DLG2: variants seen among roughly 807,000 people sequenced by gnomAD.
DLG2 encodes discs large MAGUK scaffold protein 2.
In DLG2, 45 loss-of-function variants were observed where a neutral mutation model predicts 132.5. The ratio of observed to expected loss-of-function variants is 0.34; its 90% CI spans 0.27 to 0.44. The LOEUF (loss-of-function observed/expected upper bound fraction) is 0.44, where lower values mean the gene tolerates loss of function less well. DLG2 is among the 20% of genes least tolerant of loss of function. DLG2 has a pLI of 1.00. For synonymous variants in DLG2, 424 were observed against 419.6 expected (o/e 1.01, Z -0.13); for missense variants, 1,045 against 1,196.9 (o/e 0.87, Z 1.87).
At position 84,608,147 on chromosome 11, in the gene DLG2, C is replaced by T. The variant is rs372358011; in HGVS notation, c.358-73416G>A. ...TTGACTTTAAAGGCAGCACCAGGAT[C>T]CAATTCCTCTCATACACAGAGCACC... is the stretch of plus-strand genomic sequence containing the variant. On this transcript the variant is annotated intron_variant, in intron 6 of 27. Transcript: ENST00000376104. Among the ~76,000 whole-genome samples, 31 of 152,264 alleles carry T rather than the reference C, an allele frequency of 2.0e-4. No individual in the cohort carries two copies. In the South Asian group the frequency reaches 3.5e-3, roughly 17 times the overall value.
intron 27 of DLG2, 55 bp from the exon 28 acceptor site, chr11:83,459,979 A>G (rs373166184): frequency 2.0e-6 from 2 of 1,011,170 alleles, no homozygotes; most frequent in East Asian, 2.4e-5. Flanking sequence ...GATGGTGAAG[A>G]ACAATCATCA....
intron 6 of DLG2, among the ~76,000 whole-genome samples, chr11:84,538,971 A>T (rs1290230024): frequency 6.6e-6 from 1 of 152,162 alleles, no homozygotes; most frequent in Non-Finnish European, 1.5e-5. Flanking sequence ...GCTTGTATTC[A>T]AATCTTTATT....
chr11:84,114,260 G>A (rs770457510), intron 9 of DLG2, among the ~76,000 whole-genome samples: 1 of 152,056 alleles, frequency 6.6e-6, no homozygotes, highest in Non-Finnish European at 1.5e-5. Flanking sequence ...AAAGGATCCT[G>A]AGACCAAAAT....
At chr11:83,779,082 T>A (rs1443115993) in intron 18 of DLG2, among the ~76,000 whole-genome samples, 1 of 152,154 alleles carries the variant, frequency 6.6e-6, no homozygotes, top group African/African-American at 2.4e-5. Flanking sequence ...AATATTTCAG[T>A]ACAAATTAGA....
At chr11:84,469,407 T>C (rs1412143529) in intron 7 of DLG2, among the ~76,000 whole-genome samples, 1 of 151,660 alleles carries the variant, frequency 6.6e-6, no homozygotes, top group Non-Finnish European at 1.5e-5. Flanking sequence ...CTTATTTGTA[T>C]GGCCTTGGAA....
chr11:83,815,088 T>C (rs1477157929), intron 17 of DLG2: 1 of 152,870 alleles, frequency 6.5e-6, no homozygotes, highest in Non-Finnish European at 1.5e-5. Context: ...TTAGACATCA[T>C]TAATTTAACG....
At chr11:85,264,667 C>T (rs185570071) in intron 4 of DLG2, among the ~76,000 whole-genome samples, 2 of 152,258 alleles carry the variant, frequency 1.3e-5, no homozygotes, top group East Asian at 1.9e-4. Flanking sequence ...GATAACAGCA[C>T]CGTATCCACA....
intron 18 of DLG2, chr11:83,647,089 A>G (rs2068431619): frequency 1.3e-5 from 2 of 152,134 alleles, no homozygotes; most frequent in African/African-American, 2.4e-5. Context: ...CTCTCTGTGC[A>G]GGCAGGTATT....
At chr11:84,842,587 T>C (rs1228811993) in intron 6 of DLG2, among the ~76,000 whole-genome samples, 2 of 151,990 alleles carry the variant, frequency 1.3e-5, no homozygotes, top group East Asian at 1.9e-4. Flanking sequence ...AAATGCCCCG[T>C]CCAGAGCACT....
chr11:84,615,331 C>A (rs1045429212), intron 6 of DLG2, among the ~76,000 whole-genome samples: 1 of 151,980 alleles, frequency 6.6e-6, no homozygotes, highest in African/African-American at 2.4e-5. Flanking sequence ...TAAATACAGA[C>A]ATGGACGCAA....
rs866153287 is a variant in DLG2, at chr11:83,577,541, G to A, written c.1941-35683C>T. On this transcript the variant is annotated intron_variant, in intron 19 of 27. Transcript: ENST00000376104. ...TATATGTATTAGTCAGGGTTCCCTA[G>A]AGGGACAGAATTAATAGAATATATA... 5.2e-3 allele frequency among the ~76,000 whole-genome samples: 495 copies of A among 95,078 alleles called. 2 individuals are homozygous for A. The highest frequency in any genetic ancestry group is 0.017 in the Middle Eastern group (2 of 120). 62.4% of individuals were successfully genotyped at this position (95,078 alleles called of 152,430 possible).
intron 21 of DLG2, among the ~76,000 whole-genome samples, chr11:83,524,843 A>C (rs1416256769): frequency 1.3e-5 from 2 of 152,196 alleles, no homozygotes; most frequent in African/African-American, 4.8e-5. Flanking sequence ...CTGATTCTTC[A>C]AGGCTCATTT....
At chr11:84,357,117 G>C (rs1406378924) in intron 7 of DLG2, among the ~76,000 whole-genome samples, 2 of 151,990 alleles carry the variant, frequency 1.3e-5, no homozygotes, top group East Asian at 1.9e-4. Flanking sequence ...CTGAGACTGA[G>C]AGAAAGCCAC....
intron 18 of DLG2, chr11:83,720,830 G>C (rs2088327354): frequency 6.7e-6 from 1 of 148,492 alleles, no homozygotes; most frequent in Admixed American, 6.7e-5. Flanking sequence ...TGCTCACCAG[G>C]TCTGAATAGC....
At position 83,541,735 on chromosome 11, in the gene DLG2, T is replaced by A. The variant is rs1302742947; in HGVS notation, c.2064A>T (p.Arg688Ser). ...ASDDEWWQAR[R>S]VMLEGDSEEM... ...CCTCACTGTCTCCCTCCAGCATGAC[T>A]CTCCTGGCTTGCCACCACTCATCAT... Residue 688 changes from arginine (R) to serine (S), a missense_variant, in exon 20 of 28, where the codon AGA becomes AGT. Physicochemically the swap from Arg to Ser is moderately radical, Grantham distance 110 (BLOSUM62 -1). Transcript: ENST00000376104. 6 of 1,612,958 alleles carry A rather than the reference T, an allele frequency of 3.7e-6. No homozygotes were observed. The highest frequency in any genetic ancestry group is 2.7e-5 in the African/African-American group (2 of 74,826).
intron 8 of DLG2, among the ~76,000 whole-genome samples, chr11:84,230,865 T>C (rs760875151): frequency 6.6e-6 from 1 of 152,178 alleles, no homozygotes; most frequent in Admixed American, 6.5e-5. Context: ...GTATCTTCTA[T>C]AGCAGTATTG....
At chr11:83,728,830 T>TA (rs2090491804) in intron 18 of DLG2, among the ~76,000 whole-genome samples, 1 of 152,244 alleles carries the variant, frequency 6.6e-6, no homozygotes, top group Non-Finnish European at 1.5e-5. Context: ...CACTTTAACT[T>TA]ACAACTGAAC....
chr11:85,291,082 C>T (rs1454659985), intron 3 of DLG2, among the ~76,000 whole-genome samples: 1 of 151,984 alleles, frequency 6.6e-6, no homozygotes, highest in Non-Finnish European at 1.5e-5. Context: ...TTTTTAAGGT[C>T]CTTGGAAATG....
At chr11:84,839,681 A>G (rs1419545263) in intron 6 of DLG2, among the ~76,000 whole-genome samples, 3 of 152,158 alleles carry the variant, frequency 2.0e-5, no homozygotes, top group East Asian at 1.9e-4. Context: ...GGCCTCAGAA[A>G]TAACACCACA....
Sources: gnomAD v4.1 joint callset for allele counts (sites outside exome capture counted in the v4.1 genomes callset) on GRCh38, gnomAD v4.1.1 for gene constraint, MANE v1.5 for transcripts, NCBI Gene and HGNC (gene_info 2026-07-23, HGNC 2026-07-21) for gene names.